The following RTF2 variants were observed in gnomAD, a reference collection of about 807,000 sequenced individuals.
RTF2 encodes the protein UPF0549 protein C20orf43.
Under a neutral mutation model 38.0 loss-of-function variants are expected in RTF2, and 18 were observed. The ratio of observed to expected loss-of-function variants is 0.47; its 90% CI spans 0.33 to 0.70. The LOEUF is 0.70. Ranked by LOEUF, RTF2 falls within the 30% of genes least tolerant of loss-of-function variation. The pLI is 0.02. For synonymous variants in RTF2, 126 were observed against 137.1 expected, an observed-to-expected ratio of 0.92 and a Z score of 0.57; for missense variants, 311 against 379.6, an observed-to-expected ratio of 0.82 and a Z score of 1.50.
chr20:56,516,357 A>G (rs1419792026), intron 6 of RTF2: 2 of 152,574 alleles, frequency 1.3e-5, no homozygotes, highest in Non-Finnish European at 2.9e-5. Context: ...CAAAATAACT[A>G]TTATGAGTAG....
At chr20:56,498,239 T>G (rs564276273) in intron 5 of RTF2, among the ~76,000 whole-genome samples, 10 of 152,228 alleles carry the variant, frequency 6.6e-5, no homozygotes, top group Admixed American at 6.5e-5. Flanking sequence ...AGTGACAAAT[T>G]AAGAGGAATT....
At chr20:56,487,603 T>C (rs529119330) in intron 5 of RTF2, among the ~76,000 whole-genome samples, 2 of 152,384 alleles carry the variant, frequency 1.3e-5, no homozygotes, top group East Asian at 3.9e-4. Context: ...ATTTTTACTT[T>C]TATACTGTAC....
intron 4 of RTF2, 129 bp from the exon 5 acceptor site, chr20:56,483,982 C>A: frequency 1.6e-6 from 1 of 620,028 alleles, no homozygotes; most frequent in Non-Finnish European, 2.7e-6. Flanking sequence ...TGAGAACGTA[C>A]TGATTTTTTT....
chr20:56,518,154 T>C lies in RTF2; in HGVS notation c.810T>C (p.Ala270=). 6.2e-7 allele frequency: 1 copy of C among 1,614,158 alleles called. No homozygotes were observed. The highest frequency in any genetic ancestry group is 1.7e-5 in the Admixed American group (1 of 60,006). ...GTGGAGCCACAAAGAGGTCCATCGCTGACAGTGAAGAATCGGAGGCCTACA... is the reference window on the plus strand; with the variant it reads ...GTGGAGCCACAAAGAGGTCCATCGCCGACAGTGAAGAATCGGAGGCCTACA... ...PPCGATKRSI[A]DSEESEAYKS... Residue 270 remains alanine (A), a synonymous_variant, in exon 9 of 9, where the codon GCT becomes GCC. Transcript: ENST00000357348.
intron 3 of RTF2, among the ~76,000 whole-genome samples, chr20:56,476,343 A>G (rs992451526): frequency 2.0e-5 from 3 of 152,200 alleles, no homozygotes; most frequent in African/African-American, 7.2e-5. Flanking sequence ...ACAGGGAGAA[A>G]GCATTCCCTT....
intron 5 of RTF2, among the ~76,000 whole-genome samples, chr20:56,507,950 CCCT>C (rs1458282948): frequency 6.6e-6 from 1 of 152,194 alleles, no homozygotes; most frequent in African/African-American, 2.4e-5. Context: ...AGCAGGCTGT[CCCT>C]CCTCCTGTAG....
At chr20:56,468,847 G>A (rs1431862263) in intron 1 of RTF2, 81 bp downstream of exon 1, 1 of 1,196,544 alleles carries the variant, frequency 8.4e-7, no homozygotes, top group Non-Finnish European at 1.2e-6. Context: ...AGTAAGAAGG[G>A]GGAGCCAGCG....
chr20:56,501,174 C>T (rs1983906456), intron 5 of RTF2, among the ~76,000 whole-genome samples: 1 of 151,416 alleles, frequency 6.6e-6, no homozygotes, highest in Non-Finnish European at 1.5e-5. Context: ...TATGAAAATT[C>T]CTGGAGGAAT....
chr20:56,472,033 T>C (rs965080943), intron 1 of RTF2, among the ~76,000 whole-genome samples: 9 of 150,970 alleles, frequency 6.0e-5, no homozygotes, highest in African/African-American at 2.2e-4. Flanking sequence ...GAGAACAGCC[T>C]GGGCAACACA....
At chr20:56,512,795 C>T (rs956330833) in intron 5 of RTF2, among the ~76,000 whole-genome samples, 5 of 152,170 alleles carry the variant, frequency 3.3e-5, no homozygotes, top group Non-Finnish European at 5.9e-5. Flanking sequence ...CTTCCTTACG[C>T]GCACTCCCTC....
At chr20:56,497,190 A>G in intron 5 of RTF2, 1 of 1,551,594 alleles carries the variant, frequency 6.4e-7, no homozygotes, top group Non-Finnish European at 8.7e-7. Flanking sequence ...ATCAACATGA[A>G]TACAATAAAC....
rs563290730 is a variant in RTF2, at chr20:56,511,810, A to G, written c.478-1505A>G. 3.3e-5 allele frequency among the ~76,000 whole-genome samples: 5 copies of G among 152,256 alleles called. No individual in the cohort carries two copies. The South Asian group carries it at 1.0e-3, about 32-fold the overall frequency. ...CACTTGCGTTAGACCCCAAGTGGTT[A>G]GAGAGCCACTGCACTTGGGTTAGAC... On this transcript the variant is annotated intron_variant, in intron 5 of 8. Coordinates refer to ENST00000357348, the MANE Select transcript of RTF2 (RefSeq NM_016407.5).
chr20:56,487,608 CT>C (rs1982863896), intron 5 of RTF2, among the ~76,000 whole-genome samples: 2 of 152,230 alleles, frequency 1.3e-5, no homozygotes, highest in African/African-American at 4.8e-5. Flanking sequence ...TACTTTTATA[CT>C]GTACATCAGA....
chr20:56,490,542 C>CG (rs1230019103), intron 5 of RTF2, among the ~76,000 whole-genome samples: 1 of 152,172 alleles, frequency 6.6e-6, no homozygotes, highest in Non-Finnish European at 1.5e-5. Flanking sequence ...AGGCCGGGTG[C>CG]GGTGGCTCAC....
At chr20:56,474,075 A>T (rs1982110229) in intron 2 of RTF2, among the ~76,000 whole-genome samples, 1 of 152,084 alleles carries the variant, frequency 6.6e-6, no homozygotes, top group Non-Finnish European at 1.5e-5. Flanking sequence ...TCTGGTTTTA[A>T]TTTTTTTAAA....
At chr20:56,501,271 C>G (rs183141225) in intron 5 of RTF2, among the ~76,000 whole-genome samples, 4 of 151,424 alleles carry the variant, frequency 2.6e-5, no homozygotes, top group Non-Finnish European at 4.4e-5. Context: ...CCTAGCAATT[C>G]TTAGTTTTTG....
At chr20:56,473,530 C>G (rs1982078681) in intron 2 of RTF2, 135 bp downstream of exon 2, 1 of 621,954 alleles carries the variant, frequency 1.6e-6, no homozygotes, top group Admixed American at 2.7e-5. Flanking sequence ...CGTTCCCTGT[C>G]TCTGAACATA....
At chr20:56,471,987 G>A (rs1981996253) in intron 1 of RTF2, among the ~76,000 whole-genome samples, 1 of 151,662 alleles carries the variant, frequency 6.6e-6, no homozygotes, top group African/African-American at 2.4e-5. Flanking sequence ...CCCTTTGGGA[G>A]ATCGAGGCAG....
rs895005009 is a variant in RTF2 at position 56,518,269 on chromosome 20, C to T, written c.*4C>T. On this transcript the variant is annotated 3_prime_UTR_variant, in exon 9 of 9. Transcript: ENST00000357348. ...CCACACGTCCTACTGCTTCTGAAGC[C>T]CGCACTGCCACCGCTCCTGCCCCAG... The T allele has an allele frequency of 6.2e-7, 1 of 1,608,522 alleles. No individual in the cohort carries two copies. The highest frequency in any genetic ancestry group is 8.5e-7 in the Non-Finnish European group (1 of 1,178,118).
Sources: gnomAD v4.1 joint callset for allele counts (sites outside exome capture counted in the v4.1 genomes callset) on GRCh38, gnomAD v4.1.1 for gene constraint, MANE v1.5 for transcripts, NCBI Gene and HGNC (gene_info 2026-07-23, HGNC 2026-07-21) for gene names.